Variants in MTF1 observed in about 807,000 individuals in gnomAD.
MTF1 encodes the protein MRE-binding transcription factor.
In MTF1, 22 loss-of-function variants were observed where a neutral mutation model predicts 70.4. That is an observed-to-expected ratio of 0.31 (90% CI 0.22 to 0.45). The LOEUF is 0.45. Among genes scored for constraint, MTF1 ranks in the 20% least tolerant of loss-of-function variants. The pLI, the probability that MTF1 is intolerant of heterozygous loss-of-function variation, is 1.00. For missense variants in MTF1, 649 were observed against 922.0 expected (o/e 0.70, Z 3.83); for synonymous variants, 333 against 352.8 (o/e 0.94, Z 0.63).
At chr1:37,832,632 C>T (rs1641106258) in intron 6 of MTF1, among the ~76,000 whole-genome samples, 1 of 152,118 alleles carries the variant, frequency 6.6e-6, no homozygotes, top group African/African-American at 2.4e-5. Flanking sequence ...CCCTCCCCTG[C>T]CCCACCCCGT....
At chr1:37,827,752 A>G (rs906716237) in intron 7 of MTF1, among the ~76,000 whole-genome samples, 13 of 152,244 alleles carry the variant, frequency 8.5e-5, no homozygotes, top group African/African-American at 3.1e-4. Flanking sequence ...AGGTAGTAAC[A>G]TAATTAAAAA....
rs1640724899 is a variant in MTF1 at position 37,811,130 on chromosome 1, A to T, written c.*4006T>A. ...AACAATCTGTTCCTTCCTTTCAGGC[A>T]TCATTTTGTAATGGTGAAGAGGGAA... On this transcript the variant is annotated 3_prime_UTR_variant, in exon 11 of 11. Coordinates refer to ENST00000373036, the MANE Select transcript of MTF1 (RefSeq NM_005955.3). The T allele has an allele frequency of 6.5e-6, 1 of 152,678 alleles. No individual in the cohort carries two copies. The highest frequency in any genetic ancestry group is 2.4e-5 in the African/African-American group (1 of 41,468). 9.5% of individuals were successfully genotyped at this position (152,678 alleles called of 1,614,324 possible).
intron 2 of MTF1, among the ~76,000 whole-genome samples, chr1:37,853,969 G>A (rs1054641434): frequency 6.6e-6 from 1 of 152,160 alleles, no homozygotes. Flanking sequence ...TCAAATATTG[G>A]ACTGAAACCA....
In MTF1 at chr1:37,842,303, GAAAA is replaced by G. The variant is rs577438373; in HGVS notation, c.409-2149_409-2146del. On this transcript the variant is annotated intron_variant, in intron 2 of 10. Coordinates refer to ENST00000373036, the MANE Select transcript of MTF1 (RefSeq NM_005955.3). The stretch of plus-strand genomic sequence containing the variant: ...TGGGCTGGATGATTTAGAAAAGAAA[GAAAA>G]AAAAGAAAAAGAATTTTTAAAAATT... 7.3e-3 allele frequency among the ~76,000 whole-genome samples: 1,108 copies of G among 150,954 alleles called. 9 individuals are homozygous for G. The highest frequency in any genetic ancestry group is 0.011 in the Non-Finnish European group (719 of 67,716).
chr1:37,841,075 G>A (rs1159011675), intron 2 of MTF1: 4 of 185,234 alleles, frequency 2.2e-5, no homozygotes, highest in South Asian at 2.0e-4. Context: ...CCATTAAGGA[G>A]TCTGAGATCA....
intron 5 of MTF1, 28 bp downstream of exon 5, chr1:37,835,643 G>A: frequency 6.3e-7 from 1 of 1,594,268 alleles, no homozygotes. Flanking sequence ...TTACAGGCTT[G>A]ATGAAACAAA....
intron 2 of MTF1, among the ~76,000 whole-genome samples, chr1:37,850,590 T>G (rs569887377): frequency 2.0e-5 from 3 of 146,516 alleles, no homozygotes; most frequent in Non-Finnish European, 4.5e-5. Context: ...GAGAGAGAGA[T>G]CTCAAAGCTA....
intron 7 of MTF1, among the ~76,000 whole-genome samples, chr1:37,826,914 G>A (rs970389498): frequency 1.3e-5 from 2 of 152,156 alleles, no homozygotes; most frequent in African/African-American, 2.4e-5. Context: ...GGGAAGTGGA[G>A]GTTGCAGCGA....
rs776002990 is a variant in MTF1 at position 37,815,425 on chromosome 1, G to T, written c.1973C>A (p.Pro658His). 5 of 1,613,392 alleles carry T rather than the reference G, an allele frequency of 3.1e-6. No homozygotes were observed. The highest frequency in any genetic ancestry group is 4.2e-6 in the Non-Finnish European group (5 of 1,179,586). Residue 658 changes from proline to histidine, a missense_variant, in exon 11 of 11, where the codon CCT becomes CAT. By Grantham distance (77) the Pro-to-His change is moderately conservative (BLOSUM62 -2). Coordinates refer to ENST00000373036, the MANE Select transcript of MTF1 (RefSeq NM_005955.3). This position sits in a 1 kb window ranked among gnomAD's most constrained non-coding sequence, Gnocchi z 4.5. ...SRRKGCSSPP[P>H]PEPSPQAPDG... ...AGGAGCCTGGGGGCTCGGCTCTGGA[G>T]GGGGTGGGGAGGAGCAGCCCTTTCT...
intron 2 of MTF1, 40 bp downstream of exon 2, chr1:37,857,211 C>T: frequency 6.3e-7 from 1 of 1,580,488 alleles, no homozygotes; most frequent in Non-Finnish European, 8.6e-7. Context: ...AAGGACTTGC[C>T]CCAAAACCAA....
At position 37,840,905 on chromosome 1, in the gene MTF1, C is replaced by T; in HGVS notation, c.409-747G>A. The T allele has an allele frequency of 8.4e-6, 2 of 238,400 alleles. No homozygotes were observed. The highest frequency in any genetic ancestry group is 4.5e-5 in the South Asian group (1 of 22,036). The allele number at this position is 238,400 out of a possible 1,614,324, so 14.8% of individuals were successfully genotyped here. A position where few individuals can be genotyped will look rare whatever the true frequency, so the allele number is the denominator to read the frequency against. On this transcript the variant is annotated intron_variant, in intron 2 of 10. Coordinates refer to ENST00000373036, the MANE Select transcript of MTF1 (RefSeq NM_005955.3). This position sits in a 1 kb window ranked among gnomAD's most constrained non-coding sequence, Gnocchi z 4.5. ...AGAGACTTTGGCAGGGATATTGGGG[C>T]CAGGGTCATGGCTGTGGTTGGCCTG...
In MTF1 at chr1:37,840,233, C is replaced by T; in HGVS notation, c.409-75G>A. On this transcript the variant is annotated intron_variant, in intron 2 of 10. Coordinates refer to ENST00000373036, the MANE Select transcript of MTF1 (RefSeq NM_005955.3). This position sits in a 1 kb window ranked among gnomAD's most constrained non-coding sequence, Gnocchi z 4.5. Reference sequence around the variant, plus strand: ...CTTAACTCCCCCACCCAGAGCTCAGCTCCCAAGAGATGCTGTGGACAATAC... The same window carrying T: ...CTTAACTCCCCCACCCAGAGCTCAGTTCCCAAGAGATGCTGTGGACAATAC... 7.5e-7 allele frequency: 1 copy of T among 1,324,636 alleles called. No individual in the cohort carries two copies. Among genetic ancestry groups the T allele is most frequent in the Non-Finnish European group, 1.1e-6 (1 of 925,692 alleles). The allele number at this position is 1,324,636 out of a possible 1,614,324, so 82.1% of individuals were successfully genotyped here. A position where few individuals can be genotyped will look rare whatever the true frequency, so the allele number is the denominator to read the frequency against.
chr1:37,827,656 T>C (rs1569856502), intron 7 of MTF1, among the ~76,000 whole-genome samples: 1 of 152,044 alleles, frequency 6.6e-6, no homozygotes, highest in East Asian at 1.9e-4. Context: ...TCCACCCTCC[T>C]CGGCCTCCCA....
chr1:37,857,489 G>C lies in MTF1; in HGVS notation c.170C>G (p.Thr57Ser), dbSNP rs1296774230. 6.2e-7 allele frequency: 1 copy of C among 1,614,152 alleles called. No individual in the cohort carries two copies. Among genetic ancestry groups the C allele is most frequent in the South Asian group, 1.1e-5 (1 of 91,086 alleles). Residue 57 changes from threonine (T) to serine (S), a missense_variant, in exon 2 of 11, where the codon ACT (threonine) becomes AGT (serine). Thr to Ser is a moderately conservative substitution (Grantham distance 58). Transcript: ENST00000373036. ...TTVLIEQDPG[T>S]LEDEDDDGQC... ...TCCGTCGTCATCTTCATCCTCCAAA[G>C]TGCCAGGGTCCTGCTCAATAAGAAC...
intron 4 of MTF1, 93 bp from the exon 5 acceptor site, chr1:37,835,837 G>A: frequency 8.3e-6 from 9 of 1,087,830 alleles, no homozygotes; most frequent in Non-Finnish European, 1.2e-5. Context: ...GTCTCGCTCT[G>A]TCCCCAAGGC....
rs372884546 is a variant in MTF1, at chr1:37,856,994, A to T, written c.408+257T>A. Among the ~76,000 whole-genome samples the T allele has an allele frequency of 2.2e-4, 33 of 152,352 alleles. No individual in the cohort carries two copies. In the South Asian group the frequency reaches 3.7e-3, roughly 17 times the overall value. ...CAGAAACATGGGTCTACTTAAGTGA[A>T]ATTTCTGTTTTATTTATGATTTGGG... On this transcript the variant is annotated intron_variant, in intron 2 of 10. Coordinates refer to ENST00000373036, the MANE Select transcript of MTF1 (RefSeq NM_005955.3).
chr1:37,857,651 T>TC lies in MTF1; in HGVS notation c.7dup (p.Glu3GlyfsTer12). ...GATGATGTTGTTGTCTGGACTGTGT[T>TC]CCCCCATGGTTCAGTTGTGCTCAGC... On this transcript the variant is annotated frameshift_variant, in exon 2 of 11. Transcript: ENST00000373036. LOFTEE classifies it high-confidence loss of function. 1 of 1,613,630 alleles carries TC rather than the reference T, an allele frequency of 6.2e-7. No homozygotes were observed. Among genetic ancestry groups the TC allele is most frequent in the Non-Finnish European group, 8.5e-7 (1 of 1,179,868 alleles).
chr1:37,851,483 TCTC>T (rs1363395604), intron 2 of MTF1, among the ~76,000 whole-genome samples: 1 of 152,184 alleles, frequency 6.6e-6, no homozygotes, highest in East Asian at 1.9e-4. Flanking sequence ...CTCTGTACCA[TCTC>T]CTCCTCTTCT....
chr1:37,842,560 CCTT>C (rs1399491729), intron 2 of MTF1, among the ~76,000 whole-genome samples: 2 of 152,208 alleles, frequency 1.3e-5, no homozygotes, highest in Non-Finnish European at 2.9e-5. Flanking sequence ...CTCTTTAACT[CCTT>C]CTCTGAGATA....
Sources: gnomAD v4.1 joint callset for allele counts (sites outside exome capture counted in the v4.1 genomes callset) on GRCh38, gnomAD v4.1.1 for gene constraint, Gnocchi (gnomAD v3.1) non-coding constraint, MANE v1.5 for transcripts, NCBI Gene and HGNC (gene_info 2026-07-23, HGNC 2026-07-21) for gene names.